Variants in IL6R observed in about 807,000 individuals in gnomAD.
IL6R encodes interleukin-6 receptor subunit alpha.
IL6R carries 38 observed loss-of-function variants against 48.3 expected under a neutral mutation model. The observed-to-expected ratio is 0.79, with a 90% CI of 0.61 to 1.03. The LOEUF (loss-of-function observed/expected upper bound fraction) is 1.03. Ranked by LOEUF, IL6R falls within the 50% of genes least tolerant of loss-of-function variation. The pLI is 0.00. For missense variants in IL6R, 534 were observed against 618.3 expected (o/e 0.86, Z 1.45); for synonymous variants, 264 against 256.2 (o/e 1.03, Z -0.29).
At chr1:154,425,802 G>A (rs1434889114) in intron 1 of IL6R, among the ~76,000 whole-genome samples, 3 of 150,226 alleles carry the variant, frequency 2.0e-5, no homozygotes, top group African/African-American at 4.9e-5. Context: ...AAAAGCAGCC[G>A]GGCACAGAGC....
intron 9 of IL6R, among the ~76,000 whole-genome samples, chr1:154,455,005 C>T (rs976583646): frequency 1.3e-5 from 2 of 151,942 alleles, no homozygotes; most frequent in African/African-American, 2.4e-5. Flanking sequence ...CCTCTGCCTC[C>T]TAGGTTCAAG....
At chr1:154,450,635 A>T (rs112690979) in intron 8 of IL6R, among the ~76,000 whole-genome samples, 1 of 152,164 alleles carries the variant, frequency 6.6e-6, no homozygotes, top group Non-Finnish European at 1.5e-5. Context: ...TTATTTTGGG[A>T]GCCCTTGATT....
At chr1:154,408,792 C>A (rs904959319) in intron 1 of IL6R, among the ~76,000 whole-genome samples, 1 of 152,128 alleles carries the variant, frequency 6.6e-6, no homozygotes, top group African/African-American at 2.4e-5. Flanking sequence ...GTCAATGAAT[C>A]TAGTCTGGAT....
chr1:154,456,905 G>A (rs1021849021), intron 9 of IL6R, among the ~76,000 whole-genome samples: 4 of 152,108 alleles, frequency 2.6e-5, no homozygotes, highest in African/African-American at 9.7e-5. Flanking sequence ...CAAGATTCTG[G>A]TGTTGTAAGA....
intron 9 of IL6R, among the ~76,000 whole-genome samples, chr1:154,464,311 C>T (rs934919320): frequency 8.5e-5 from 13 of 152,156 alleles, no homozygotes; most frequent in South Asian, 2.1e-4. Context: ...CCTGCCACTA[C>T]GCCTGGCTAA....
rs1171004250 is a variant in IL6R, at chr1:154,435,134, C to A, written c.785C>A (p.Ser262Ter). The change falls in exon 5 of 10, where the codon TCA becomes TAA. Residue 262 changes from serine to a stop codon, truncating the protein, a stop_gained. Transcript: ENST00000368485. LOFTEE classifies it high-confidence loss of function. ...GAGCTCAGATATCGGGCTGAACGGTCAAAGACATTCACAACATGGATGGTA... is the reference window on the plus strand; with the variant it reads ...GAGCTCAGATATCGGGCTGAACGGTAAAAGACATTCACAACATGGATGGTA... The part of the protein sequence containing the change: ...RFELRYRAER[S>*]KTFTTWMVKD... 9 of 1,614,072 alleles carry A rather than the reference C, an allele frequency of 5.6e-6. No individual in the cohort carries two copies. The highest frequency in any genetic ancestry group is 7.6e-6 in the Non-Finnish European group (9 of 1,179,978).
intron 2 of IL6R, 145 bp from the exon 3 acceptor site, chr1:154,430,338 T>A: frequency 1.1e-6 from 1 of 930,878 alleles, no homozygotes; most frequent in Non-Finnish European, 1.6e-6. Flanking sequence ...TGTGGCTGAG[T>A]GTGGCCAGGG....
At chr1:154,451,820 G>A (rs1198451400) in intron 8 of IL6R, among the ~76,000 whole-genome samples, 3 of 152,002 alleles carry the variant, frequency 2.0e-5, no homozygotes, top group Non-Finnish European at 4.4e-5. Flanking sequence ...ACAGGTGTGA[G>A]CCACCGCGCC....
chr1:154,440,101 C>G (rs2149250965), intron 6 of IL6R, among the ~76,000 whole-genome samples: 1 of 152,290 alleles, frequency 6.6e-6, no homozygotes, highest in Non-Finnish European at 1.5e-5. Context: ...CAAGGTTTCA[C>G]CATGTTGCCC....
At chr1:154,458,621 C>T (rs1204112807) in intron 9 of IL6R, among the ~76,000 whole-genome samples, 1 of 152,116 alleles carries the variant, frequency 6.6e-6, no homozygotes, top group Non-Finnish European at 1.5e-5. Flanking sequence ...TAAGAATAGG[C>T]CAGGCGCGGT....
chr1:154,464,936 G>A (rs1010437957), intron 9 of IL6R, among the ~76,000 whole-genome samples, 198 bp from the exon 10 acceptor site: 1 of 152,046 alleles, frequency 6.6e-6, no homozygotes, highest in African/African-American at 2.4e-5. Context: ...CTCCAGCCTG[G>A]GTAACAGAGC....
chr1:154,458,798 G>T (rs900301508), intron 9 of IL6R, among the ~76,000 whole-genome samples: 2 of 151,990 alleles, frequency 1.3e-5, no homozygotes, highest in Admixed American at 6.6e-5. Flanking sequence ...CTACTTGGGA[G>T]GCTGAGGTAG....
intron 6 of IL6R, among the ~76,000 whole-genome samples, chr1:154,444,011 C>T (rs1254985416): frequency 6.6e-6 from 1 of 152,096 alleles, no homozygotes. Flanking sequence ...GTTCTTGCCA[C>T]ATCTCAATAG....
At chr1:154,412,670 A>T (rs766220150) in intron 1 of IL6R, among the ~76,000 whole-genome samples, 3 of 152,014 alleles carry the variant, frequency 2.0e-5, no homozygotes, top group Non-Finnish European at 4.4e-5. Context: ...ATCGCTTAAC[A>T]TTTTTTTTGA....
chr1:154,447,522 CATATATAT>C (rs1244205626), intron 6 of IL6R, among the ~76,000 whole-genome samples: 2 of 128,026 alleles, frequency 1.6e-5, no homozygotes, highest in African/African-American at 3.0e-5. Flanking sequence ...TACACACATA[CATATATAT>C]ACACATACAT....
chr1:154,447,504 T>TACACACATACATATATATACACATAC (rs1338905608), intron 6 of IL6R, among the ~76,000 whole-genome samples: 2 of 87,378 alleles, frequency 2.3e-5, no homozygotes, highest in African/African-American at 1.1e-4. Context: ...CACACACACA[T>TACACACATACATATATATACACATAC]ATATATATAC....
At chr1:154,435,906 G>A in intron 5 of IL6R, 63 bp from the exon 6 acceptor site, 2 of 1,435,348 alleles carry the variant, frequency 1.4e-6, no homozygotes, top group Non-Finnish European at 1.9e-6. Context: ...CAACCCACTG[G>A]GGTGCTACCT....
intron 7 of IL6R, 78 bp downstream of exon 7, chr1:154,448,249 T>A (rs943423888): frequency 8.5e-7 from 1 of 1,181,026 alleles, no homozygotes; most frequent in Admixed American, 1.8e-5. Context: ...CAGACCGAAT[T>A]TGGTTTAAAT....
intron 1 of IL6R, among the ~76,000 whole-genome samples, chr1:154,427,287 G>A (rs921209925): frequency 6.6e-6 from 1 of 152,130 alleles, no homozygotes; most frequent in African/African-American, 2.4e-5. Flanking sequence ...TGTGTCTCCC[G>A]TTTCTCAAGG....
Sources: allele counts gnomAD v4.1 joint callset (sites outside exome capture counted in the v4.1 genomes callset), GRCh38; gene constraint gnomAD v4.1.1; transcripts MANE v1.5; gene names NCBI Gene and HGNC (gene_info 2026-07-23, HGNC 2026-07-21).